Variants in ANK3 observed in about 807,000 individuals in gnomAD.
ANK3 encodes the protein ankyrin-3.
Under a neutral mutation model 370.9 loss-of-function variants are expected in ANK3, and 57 were observed. The observed-to-expected ratio is 0.15, with a 90% CI of 0.12 to 0.19. The LOEUF is 0.19. ANK3 is among the 10% of genes least tolerant of loss of function. ANK3 has a pLI of 1.00. For synonymous variants in ANK3, 1,929 were observed against 1,946.3 expected (o/e 0.99, Z 0.23); for missense variants, 4,439 against 5,302.1 (o/e 0.84, Z 5.06).
At chr10:60,262,971 C>T (rs2097829340) in intron 6 of ANK3, among the ~76,000 whole-genome samples, 1 of 152,150 alleles carries the variant, frequency 6.6e-6, no homozygotes, top group Non-Finnish European at 1.5e-5. Context: ...CTGGCACATG[C>T]TCCTTTGGGG....
rs115484598 is a variant in ANK3, at chr10:60,558,084, A to G, written c.96+57102T>C. Among the ~76,000 whole-genome samples the G allele has an allele frequency of 3.7e-3, 568 of 152,288 alleles. 5 individuals are homozygous for G. Among genetic ancestry groups the G allele is most frequent in the African/African-American group, 0.013 (544 of 41,542 alleles). On this transcript the variant is annotated intron_variant, in intron 2 of 43. Transcript: ENST00000373827. The stretch of plus-strand genomic sequence containing the variant: ...TCTCCTAGGCCTTTGCACCTTCTTC[A>G]GCAAACACACAGCAATGCAGCAAAC...
At chr10:60,199,303 C>A (rs10821700) in intron 13 of ANK3, among the ~76,000 whole-genome samples, 33,720 of 151,872 alleles carry the variant, frequency 0.22, 4,320 homozygotes, top group African/African-American at 0.35. Flanking sequence ...GGTAGAGAAA[C>A]GAGGCTAGAA....
At chr10:60,548,389 C>T (rs1266903236) in intron 2 of ANK3, among the ~76,000 whole-genome samples, 5 of 151,186 alleles carry the variant, frequency 3.3e-5, no homozygotes, top group Non-Finnish European at 7.4e-5. Flanking sequence ...TTTGTGTGTG[C>T]GTGTTTTTTT....
chr10:60,485,144 A>G (rs904721486), intron 2 of ANK3, among the ~76,000 whole-genome samples: 2 of 152,132 alleles, frequency 1.3e-5, no homozygotes, highest in African/African-American at 2.4e-5. Context: ...AAGTCACTCA[A>G]CACTCGAGTC....
At chr10:60,707,469 G>T (rs1176254360) in intron 1 of ANK3, among the ~76,000 whole-genome samples, 3 of 152,036 alleles carry the variant, frequency 2.0e-5, no homozygotes, top group African/African-American at 7.2e-5. Context: ...ATCATCAAGA[G>T]AAAACACTAT....
intron 1 of ANK3, among the ~76,000 whole-genome samples, chr10:60,385,685 C>T (rs930100435): frequency 6.6e-6 from 1 of 152,134 alleles, no homozygotes; most frequent in Non-Finnish European, 1.5e-5. Flanking sequence ...GTCATTTTAT[C>T]CCAGTATCTA....
chr10:60,092,136 G>A lies in ANK3; in HGVS notation c.3329-3778C>T, dbSNP rs558295850. ...GAATTGGGGAAGGAAGATGAGAAGA[G>A]GGTAGGGAACAGGGAGTATTACCCT... On this transcript the variant is annotated intron_variant, in intron 28 of 43. Coordinates refer to ENST00000280772, the MANE Select transcript of ANK3 (RefSeq NM_020987.5). 2.6e-5 allele frequency among the ~76,000 whole-genome samples: 4 copies of A among 152,314 alleles called. No individual in the cohort carries two copies. The South Asian group carries it at 8.3e-4, about 32-fold the overall frequency.
chr10:60,589,876 A>G (rs1164221293), intron 2 of ANK3, among the ~76,000 whole-genome samples: 1 of 152,178 alleles, frequency 6.6e-6, no homozygotes, highest in African/African-American at 2.4e-5. Flanking sequence ...CTCTCAACCA[A>G]TCCTAACTGA....
chr10:60,722,473 A>T (rs1263775921), intron 1 of ANK3, among the ~76,000 whole-genome samples: 2 of 152,156 alleles, frequency 1.3e-5, no homozygotes, highest in African/African-American at 4.8e-5. Context: ...TTAAAAAAAA[A>T]ATTAATTGCC....
chr10:60,158,269 G>T (rs1218345797), intron 23 of ANK3, among the ~76,000 whole-genome samples: 1 of 152,138 alleles, frequency 6.6e-6, no homozygotes, highest in African/African-American at 2.4e-5. Flanking sequence ...TGAGCAACAA[G>T]AAATCATTTA....
intron 2 of ANK3, among the ~76,000 whole-genome samples, chr10:60,488,051 G>A (rs1164315110): frequency 3.9e-5 from 6 of 152,152 alleles, no homozygotes; most frequent in African/African-American, 1.2e-4. Context: ...AAACACATAT[G>A]AATAGAAGTC....
At chr10:60,510,373 T>C (rs977642229) in intron 2 of ANK3, among the ~76,000 whole-genome samples, 3 of 152,118 alleles carry the variant, frequency 2.0e-5, no homozygotes, top group Non-Finnish European at 2.9e-5. Flanking sequence ...GGGCCAATCA[T>C]ATAAGGGATC....
intron 1 of ANK3, among the ~76,000 whole-genome samples, chr10:60,297,140 A>G (rs1292089654): frequency 6.6e-6 from 1 of 152,360 alleles, no homozygotes; most frequent in East Asian, 1.9e-4. Flanking sequence ...AAAATAATCA[A>G]TAATTCAAGA....
intron 1 of ANK3, among the ~76,000 whole-genome samples, chr10:60,708,470 AT>A (rs2133426382): frequency 6.6e-6 from 1 of 152,176 alleles, no homozygotes; most frequent in East Asian, 1.9e-4. Context: ...AAAGGTAGAG[AT>A]TTTTACCTCC....
chr10:60,285,210 A>C (rs934858243), intron 1 of ANK3, among the ~76,000 whole-genome samples: 1 of 152,108 alleles, frequency 6.6e-6, no homozygotes, highest in Non-Finnish European at 1.5e-5. Flanking sequence ...AAAATAACCT[A>C]CTGTTAGGAT....
chr10:60,217,149 T>C (rs530594790), intron 8 of ANK3, among the ~76,000 whole-genome samples: 1 of 152,292 alleles, frequency 6.6e-6, no homozygotes, highest in African/African-American at 2.4e-5. Context: ...TTGATTCTTC[T>C]CTCTTTTCTT....
chr10:60,131,441 T>G (rs1590519295), intron 25 of ANK3, among the ~76,000 whole-genome samples: 1 of 152,210 alleles, frequency 6.6e-6, no homozygotes, highest in Non-Finnish European at 1.5e-5. Context: ...TTGAAAGATT[T>G]TCAGATGTCC....
In ANK3 at chr10:60,074,106, C is replaced by T. The variant is rs995746990; in HGVS notation, c.6775G>A (p.Gly2259Ser). ...ATTCTTTCAGATGCACCTTCACCGC[C>T]TGGTGGAGAATGATAAACCATTCTG... Reference protein sequence around the residue: ...TTRMVYHSPPGGEGASERIEE... With the variant: ...TTRMVYHSPPSGEGASERIEE... The change falls in exon 37 of 44, where the codon GGC becomes AGC. Residue 2259 changes from glycine (G) to serine (S), a missense_variant. By Grantham distance (56) the Gly-to-Ser change is moderately conservative. Around this residue, in one of 13 missense-constraint regions of ANK3, gnomAD observed 1,601 missense variants for 1,731.7 expected, o/e 0.92. Coordinates refer to ENST00000280772, the MANE Select transcript of ANK3 (RefSeq NM_020987.5). 2 of 1,613,878 alleles carry T rather than the reference C, an allele frequency of 1.2e-6. No homozygotes were observed. Among genetic ancestry groups the T allele is most frequent in the Non-Finnish European group, 1.7e-6 (2 of 1,179,968 alleles).
At chr10:60,201,501 A>G (rs2096673084) in intron 12 of ANK3, among the ~76,000 whole-genome samples, 2 of 152,202 alleles carry the variant, frequency 1.3e-5, no homozygotes, top group Admixed American at 1.3e-4. Context: ...TCTATAAAAC[A>G]ATGTCAAATG....
Sources: gnomAD v4.1 joint callset for allele counts (sites outside exome capture counted in the v4.1 genomes callset) on GRCh38, gnomAD v4.1.1 for gene constraint, gnomAD v4.1.1 regional missense constraint, MANE v1.5 for transcripts, NCBI Gene and HGNC (gene_info 2026-07-23, HGNC 2026-07-21) for gene names.